Variants in VEPH1 observed in about 807,000 individuals in gnomAD.
VEPH1 encodes the protein ventricular zone expressed PH domain containing 1.
In VEPH1, 80 loss-of-function variants were observed where a neutral mutation model predicts 85.2. The ratio of observed to expected loss-of-function variants is 0.94; its 90% CI spans 0.78 to 1.13. The LOEUF is 1.13. Among genes scored for constraint, VEPH1 ranks in the 50% most tolerant of loss-of-function variants. The pLI is 0.00. For missense variants in VEPH1, 955 were observed against 980.5 expected (o/e 0.97, Z 0.35); for synonymous variants, 297 against 348.0 (o/e 0.85, Z 1.63).
At chr3:157,487,979 A>G (rs533430380) in intron 2 of VEPH1, among the ~76,000 whole-genome samples, 69 of 152,308 alleles carry the variant, frequency 4.5e-4, no homozygotes, top group African/African-American at 1.6e-3. Context: ...AAAAGAGAGA[A>G]GGATAACTCA....
rs117501478 is a variant in VEPH1, at chr3:157,351,789, G to A, written c.1735+11575C>T. ...TCAAGAAGCGAGGATCTGTTGCAGC[G>A]TTTTTCAACCATTGCTGATATTTTT... On this transcript the variant is annotated intron_variant, in intron 9 of 13. Coordinates refer to ENST00000362010, the MANE Select transcript of VEPH1 (RefSeq NM_001167912.2). Among the ~76,000 whole-genome samples the A allele has an allele frequency of 2.8e-3, 430 of 152,262 alleles. 5 individuals are homozygous for A. In the East Asian group the frequency reaches 0.043, roughly 15 times the overall value.
intron 1 of VEPH1, among the ~76,000 whole-genome samples, chr3:157,503,042 T>C (rs564796473): frequency 8.5e-5 from 13 of 152,302 alleles, no homozygotes; most frequent in African/African-American, 3.1e-4. Flanking sequence ...CCTAGAGACA[T>C]GTTTTAATAA....
At chr3:157,287,546 T>C (rs1022197351) in intron 11 of VEPH1, among the ~76,000 whole-genome samples, 2 of 151,148 alleles carry the variant, frequency 1.3e-5, no homozygotes, top group Non-Finnish European at 2.9e-5. Context: ...ATAAGCTACA[T>C]TGATTTTTTT....
chr3:157,368,942 A>G (rs753295975), intron 7 of VEPH1, among the ~76,000 whole-genome samples: 4 of 151,818 alleles, frequency 2.6e-5, no homozygotes, highest in Non-Finnish European at 4.4e-5. Context: ...TATTTGTTAG[A>G]CTTGGCAAAG....
Position 157,437,858 on chromosome 3 carries a change from C to T in VEPH1, c.530-9370G>A, listed in dbSNP as rs112277608. 2,530 of 1,498,824 alleles carry T rather than the reference C, an allele frequency of 1.7e-3. 55 individuals carry two copies. The African/African-American group carries it at 0.031, about 19-fold the overall frequency. The allele number at this position is 1,498,824 out of a possible 1,614,324, so 92.8% of individuals were successfully genotyped here. On this transcript the variant is annotated intron_variant, in intron 4 of 13. Transcript: ENST00000362010. ...GCGGTGCTAGAGGAGCTGCGGCAGA[C>T]GCGAGCCGACCTGCACGCGGTGCAG...
At chr3:157,331,535 C>G (rs1500923) in intron 9 of VEPH1, among the ~76,000 whole-genome samples, 70,289 of 151,930 alleles carry the variant, frequency 0.46, 18,136 homozygotes, top group Admixed American at 0.6. Context: ...ACAGGGAGAG[C>G]GGGATATATT....
chr3:157,398,790 G>A (rs1336791934), intron 6 of VEPH1, among the ~76,000 whole-genome samples: 2 of 150,740 alleles, frequency 1.3e-5, no homozygotes, highest in African/African-American at 4.9e-5. Flanking sequence ...CACTAGATCT[G>A]CTGAGTCATA....
chr3:157,367,571 T>A (rs1209059014), intron 7 of VEPH1, among the ~76,000 whole-genome samples: 1 of 152,232 alleles, frequency 6.6e-6, no homozygotes, highest in Non-Finnish European at 1.5e-5. Context: ...TTATTTCAAA[T>A]ATTTCTATAG....
chr3:157,432,122 A>G (rs1457057888), intron 4 of VEPH1, among the ~76,000 whole-genome samples: 2 of 152,170 alleles, frequency 1.3e-5, no homozygotes, highest in Non-Finnish European at 2.9e-5. Context: ...TGCTGGGATT[A>G]CAGGCGTGAG....
At chr3:157,432,391 G>T (rs2316710) in intron 4 of VEPH1, among the ~76,000 whole-genome samples, 87,871 of 151,782 alleles carry the variant, frequency 0.58, 25,877 homozygotes, top group African/African-American at 0.67. Flanking sequence ...GTATTCCAGG[G>T]TCATAAAAAT....
At chr3:157,418,907 G>A (rs1050306490) in intron 5 of VEPH1, among the ~76,000 whole-genome samples, 4 of 151,978 alleles carry the variant, frequency 2.6e-5, no homozygotes, top group South Asian at 4.1e-4. Context: ...AACTGGAGGC[G>A]TTATACTACC....
intron 9 of VEPH1, among the ~76,000 whole-genome samples, chr3:157,323,365 G>A (rs1405690351): frequency 6.6e-6 from 1 of 152,170 alleles, no homozygotes; most frequent in Non-Finnish European, 1.5e-5. Flanking sequence ...TGTAGAAGGT[G>A]TTCAGAAGTG....
At chr3:157,262,735 A>C (rs1713078724) in intron 13 of VEPH1, among the ~76,000 whole-genome samples, 1 of 152,184 alleles carries the variant, frequency 6.6e-6, no homozygotes, top group Non-Finnish European at 1.5e-5. Flanking sequence ...CAAATGTTTA[A>C]ACTTATGATA....
intron 2 of VEPH1, among the ~76,000 whole-genome samples, chr3:157,490,890 A>G (rs951739441): frequency 6.6e-6 from 1 of 152,236 alleles, no homozygotes; most frequent in Non-Finnish European, 1.5e-5. Context: ...AACCAAAAAA[A>G]GAATGGATAC....
At chr3:157,327,145 G>GA (rs1003288883) in intron 9 of VEPH1, among the ~76,000 whole-genome samples, 55 of 151,554 alleles carry the variant, frequency 3.6e-4, no homozygotes, top group Admixed American at 1.1e-3. Flanking sequence ...TGTGTAGAGT[G>GA]AAAAAAAACC....
At chr3:157,265,693 G>C (rs1041098413) in intron 12 of VEPH1, 31 bp from the exon 13 acceptor site, 1 of 1,608,402 alleles carries the variant, frequency 6.2e-7, no homozygotes, top group Non-Finnish European at 8.5e-7. Flanking sequence ...ATCATGCCAT[G>C]TATTTTCCAA....
intron 6 of VEPH1, among the ~76,000 whole-genome samples, chr3:157,412,308 A>G (rs1247013553): frequency 8.5e-5 from 13 of 152,182 alleles, no homozygotes; most frequent in Non-Finnish European, 2.9e-5. Context: ...TTAATTGCAT[A>G]TGGTTATACT....
chr3:157,497,753 T>C (rs897641149), intron 1 of VEPH1, among the ~76,000 whole-genome samples: 2 of 152,178 alleles, frequency 1.3e-5, no homozygotes, highest in Admixed American at 6.5e-5. Flanking sequence ...TGACACCTGG[T>C]GTGGAGTCCC....
At chr3:157,366,651 A>G (rs1252005830) in intron 7 of VEPH1, among the ~76,000 whole-genome samples, 1 of 151,944 alleles carries the variant, frequency 6.6e-6, no homozygotes, top group Non-Finnish European at 1.5e-5. Context: ...GGGAGAATCA[A>G]TTGAACCTGG....
Sources: gnomAD v4.1 joint callset for allele counts (sites outside exome capture counted in the v4.1 genomes callset) on GRCh38, gnomAD v4.1.1 for gene constraint, MANE v1.5 for transcripts, NCBI Gene and HGNC (gene_info 2026-07-23, HGNC 2026-07-21) for gene names.